FRMD5: variants seen among roughly 807,000 people sequenced by gnomAD.
FRMD5 encodes the protein FERM domain containing 5, also known as FERM domain-containing protein 5.
FRMD5 carries 20 observed loss-of-function variants against 69.0 expected under a neutral mutation model. That is an observed-to-expected ratio of 0.29 (90% confidence interval 0.20 to 0.42). FRMD5 has a LOEUF of 0.42. Ranked by LOEUF, FRMD5 falls within the 10% of genes least tolerant of loss-of-function variation. The pLI is 1.00. For missense variants in FRMD5, 595 were observed against 708.6 expected (o/e 0.84, Z 1.82); for synonymous variants, 271 against 260.1 (o/e 1.04, Z -0.40).
chr15:44,169,949 T>C (rs192309128), intron 1 of FRMD5, among the ~76,000 whole-genome samples: 1 of 152,224 alleles, frequency 6.6e-6, no homozygotes, highest in African/African-American at 2.4e-5. Context: ...TGCCTGTGTA[T>C]AGAACTACTA....
chr15:43,963,530 C>A (rs1291948045), intron 1 of FRMD5, among the ~76,000 whole-genome samples: 1 of 152,092 alleles, frequency 6.6e-6, no homozygotes, highest in African/African-American at 2.4e-5. Context: ...CTAGAAATAC[C>A]ATTTGACCCA....
intron 1 of FRMD5, among the ~76,000 whole-genome samples, chr15:44,178,614 T>C (rs780338575): frequency 1.3e-5 from 2 of 152,164 alleles, no homozygotes; most frequent in Non-Finnish European, 2.9e-5. Context: ...AAAGGTGAAC[T>C]AGTGAAAGTC....
intron 1 of FRMD5, among the ~76,000 whole-genome samples, chr15:44,135,980 A>G (rs899899573): frequency 6.6e-6 from 1 of 152,100 alleles, no homozygotes; most frequent in Non-Finnish European, 1.5e-5. Context: ...GGGTCGCAGT[A>G]AGTAATGCCA....
At chr15:43,904,872 G>C (rs529814998) in intron 6 of FRMD5, among the ~76,000 whole-genome samples, 2 of 152,170 alleles carry the variant, frequency 1.3e-5, no homozygotes, top group South Asian at 2.1e-4. Flanking sequence ...AGTAAGAGAA[G>C]CTGAGAAAGA....
intron 1 of FRMD5, among the ~76,000 whole-genome samples, chr15:44,112,738 G>A (rs1201824400): frequency 6.6e-6 from 1 of 151,858 alleles, no homozygotes; most frequent in Admixed American, 6.6e-5. Flanking sequence ...AAAGTGCTAG[G>A]ATTACAGGCC....
At chr15:43,932,168 C>G (rs2089686826) in intron 1 of FRMD5, among the ~76,000 whole-genome samples, 2 of 152,228 alleles carry the variant, frequency 1.3e-5, no homozygotes, top group African/African-American at 4.8e-5. Context: ...GAGACCTCTT[C>G]TTCCTCCAGG....
chr15:44,163,907 T>A (rs947711020), intron 1 of FRMD5, among the ~76,000 whole-genome samples: 6 of 152,214 alleles, frequency 3.9e-5, no homozygotes, highest in Admixed American at 1.3e-4. Context: ...CTCCACTTCA[T>A]TCTGTATAGG....
intron 1 of FRMD5, among the ~76,000 whole-genome samples, chr15:44,183,230 G>A (rs921311383): frequency 6.6e-6 from 1 of 150,670 alleles, no homozygotes; most frequent in African/African-American, 2.5e-5. Context: ...TACAGAAGAT[G>A]AGACAAGACA....
In FRMD5 at chr15:44,103,958, T is replaced by C. The variant is rs888011781; in HGVS notation, c.102+90995A>G. Among the ~76,000 whole-genome samples the C allele has an allele frequency of 2.0e-4, 31 of 152,238 alleles. 1 individual carries two copies. The highest frequency in any genetic ancestry group is 6.5e-5 in the Admixed American group (1 of 15,286). ...CTGCAATGCCAGTCATATAAAAGCA[T>C]AGCACATATAATTATGTACAGTAAA... On this transcript the variant is annotated intron_variant, in intron 1 of 13. Coordinates refer to ENST00000417257, the MANE Select transcript of FRMD5 (RefSeq NM_032892.5).
chr15:44,175,819 T>C (rs2140544989), intron 1 of FRMD5, among the ~76,000 whole-genome samples: 1 of 152,252 alleles, frequency 6.6e-6, no homozygotes, highest in East Asian at 1.9e-4. Context: ...CTAACATGAA[T>C]GAATCTCAAA....
At chr15:44,193,792 A>G (rs763540988) in intron 1 of FRMD5, among the ~76,000 whole-genome samples, 5 of 152,128 alleles carry the variant, frequency 3.3e-5, no homozygotes, top group East Asian at 1.9e-4. Context: ...ACACACCGCT[A>G]TTTTCCGCGA....
intron 1 of FRMD5, among the ~76,000 whole-genome samples, chr15:44,114,054 T>C (rs868437856): frequency 1.3e-5 from 2 of 151,920 alleles, no homozygotes; most frequent in Non-Finnish European, 2.9e-5. Flanking sequence ...CCATTTGAGT[T>C]CCTCTAGCCC....
chr15:43,999,361 C>T (rs575206677), intron 1 of FRMD5, among the ~76,000 whole-genome samples: 58 of 152,314 alleles, frequency 3.8e-4, no homozygotes, highest in African/African-American at 1.4e-3. Flanking sequence ...AGCCACCGCA[C>T]TCAGCCTTTA....
chr15:44,031,784 C>T (rs1891696039), intron 1 of FRMD5, among the ~76,000 whole-genome samples: 1 of 152,134 alleles, frequency 6.6e-6, no homozygotes, highest in Non-Finnish European at 1.5e-5. Flanking sequence ...ATCCTTACAT[C>T]TGCCTTAACT....
chr15:44,094,659 TAA>T (rs2076524688), intron 1 of FRMD5, among the ~76,000 whole-genome samples: 3 of 152,202 alleles, frequency 2.0e-5, no homozygotes, highest in African/African-American at 4.8e-5. Context: ...GTCACACACT[TAA>T]AAGTTTTGTG....
At chr15:44,060,261 G>A (rs779170566) in intron 1 of FRMD5, among the ~76,000 whole-genome samples, 2 of 152,180 alleles carry the variant, frequency 1.3e-5, no homozygotes, top group Non-Finnish European at 2.9e-5. Flanking sequence ...TGAAGGCAGC[G>A]AGGGAAGACA....
chr15:43,885,732 C>T lies in FRMD5; in HGVS notation c.908G>A (p.Arg303His), dbSNP rs766531920. The change falls in exon 11 of 14, where the codon CGC becomes CAC. Residue 303 changes from arginine to histidine, a missense_variant. Coordinates refer to ENST00000417257, the MANE Select transcript of FRMD5 (RefSeq NM_032892.5). ...FYKLEKSSQVRTVSSSNLFFK... is the reference protein window; with the variant it reads ...FYKLEKSSQVHTVSSSNLFFK... The stretch of plus-strand genomic sequence containing the variant: ...GAATAAATTGCTGCTGGACACTGTG[C>T]GGACTTGGCTTGACTTCTCCAGCCT... 1.9e-6 allele frequency: 3 copies of T among 1,614,014 alleles called. No homozygotes were observed. Among genetic ancestry groups the T allele is most frequent in the South Asian group, 2.2e-5 (2 of 91,090 alleles).
At chr15:44,101,839 T>C (rs1227372175) in intron 1 of FRMD5, among the ~76,000 whole-genome samples, 1 of 152,236 alleles carries the variant, frequency 6.6e-6, no homozygotes, top group African/African-American at 2.4e-5. Flanking sequence ...ACCTGGGTGC[T>C]TTTCAAAAAC....
At chr15:43,954,189 C>T (rs914981889) in intron 1 of FRMD5, among the ~76,000 whole-genome samples, 3 of 152,202 alleles carry the variant, frequency 2.0e-5, no homozygotes, top group South Asian at 2.1e-4. Context: ...TCTGCTCTCA[C>T]GCTTTCCCTG....
Sources: allele counts gnomAD v4.1 joint callset (sites outside exome capture counted in the v4.1 genomes callset), GRCh38; gene constraint gnomAD v4.1.1; transcripts MANE v1.5; gene names NCBI Gene and HGNC (gene_info 2026-07-23, HGNC 2026-07-21).